Variants in SERPINB10 observed in about 807,000 individuals in gnomAD.
SERPINB10 encodes the protein serpin family B member 10.
SERPINB10 carries 35 observed loss-of-function variants against 39.1 expected under a neutral mutation model. That is an observed-to-expected ratio of 0.90 (90% CI 0.68 to 1.19). The LOEUF is 1.19. Among genes scored for constraint, SERPINB10 ranks in the 50% most tolerant of loss-of-function variants. The pLI is 0.00. For synonymous variants in SERPINB10, 190 were observed against 158.1 expected (o/e 1.20, Z -1.52); for missense variants, 546 against 460.5 (o/e 1.19, Z -1.70).
chr18:63,919,236 ATTT>A (rs397969917), intron 4 of SERPINB10, among the ~76,000 whole-genome samples: 2 of 142,848 alleles, frequency 1.4e-5, no homozygotes. Flanking sequence ...TGAAGGCCTC[ATTT>A]TTTTTTTTTT....
rs137981176 is a variant in SERPINB10, at chr18:63,930,092, A to C, written c.538A>C (p.Arg180=). Residue 180 remains arginine, a synonymous_variant, in exon 6 of 8, where the codon AGG becomes CGG. Coordinates refer to ENST00000238508, the MANE Select transcript of SERPINB10 (RefSeq NM_005024.3). ...TGATGACTCTGTGGATTCCACAACC[A>C]GGATGATTCTGGTGAACGCCCTATA... ...LPDDSVDSTT[R]MILVNALYFK... is the part of the protein sequence containing the mutation. 3.0e-4 allele frequency: 481 copies of C among 1,613,584 alleles called. 1 individual carries two copies. The highest frequency in any genetic ancestry group is 1.3e-3 in the Middle Eastern group (8 of 6,060).
intron 5 of SERPINB10, among the ~76,000 whole-genome samples, chr18:63,927,608 C>T (rs1347817704): frequency 6.8e-6 from 1 of 148,074 alleles, no homozygotes; most frequent in Non-Finnish European, 1.5e-5. Flanking sequence ...AGGGCAGAGC[C>T]CTCCTGATCT....
chr18:63,909,480 T>A (rs1035926637), intron 1 of SERPINB10, among the ~76,000 whole-genome samples: 2 of 152,078 alleles, frequency 1.3e-5, no homozygotes, highest in African/African-American at 2.4e-5. Context: ...TTCTCTTGTA[T>A]GTTCTGGGTA....
chr18:63,910,609 T>C (rs973560890), intron 1 of SERPINB10, among the ~76,000 whole-genome samples: 2 of 152,034 alleles, frequency 1.3e-5, no homozygotes, highest in Non-Finnish European at 2.9e-5. Context: ...TGCATCCATG[T>C]TGCAGCAAGA....
chr18:63,915,816 C>T (rs2050098257), intron 2 of SERPINB10, 138 bp downstream of exon 2: 2 of 713,990 alleles, frequency 2.8e-6, no homozygotes, highest in Middle Eastern at 2.9e-4. Context: ...TACATTAAAA[C>T]ATTCTATACC....
chr18:63,930,029 C>T lies in SERPINB10; in HGVS notation c.491-16C>T, dbSNP rs776323551. On this transcript the variant is annotated splice_polypyrimidine_tract_variant and intron_variant, in intron 5 of 7. Coordinates refer to ENST00000238508, the MANE Select transcript of SERPINB10 (RefSeq NM_005024.3). ...ATTTCTACAAGTCATTTGCAACCTG[C>T]CTTTTGTTCTTACAGGTAAAATCCA... The T allele has an allele frequency of 3.7e-6, 6 of 1,611,962 alleles. No homozygotes were observed. The highest frequency in any genetic ancestry group is 1.6e-4 in the Middle Eastern group (1 of 6,072).
At chr18:63,910,449 T>G (rs1311940156) in intron 1 of SERPINB10, among the ~76,000 whole-genome samples, 1 of 151,952 alleles carries the variant, frequency 6.6e-6, no homozygotes, top group Non-Finnish European at 1.5e-5. Flanking sequence ...CAATCTTTTC[T>G]CCATTCTCTG....
intron 5 of SERPINB10, among the ~76,000 whole-genome samples, chr18:63,923,541 G>T (rs2050160571): frequency 6.6e-6 from 1 of 151,884 alleles, no homozygotes; most frequent in Non-Finnish European, 1.5e-5. Context: ...TTCCCCAGAA[G>T]ATTTTAGAAT....
chr18:63,930,829 C>A (rs1276707023), intron 6 of SERPINB10, among the ~76,000 whole-genome samples: 3 of 152,160 alleles, frequency 2.0e-5, no homozygotes, highest in African/African-American at 4.8e-5. Context: ...AGGACCTTCG[C>A]CATTCTAGAG....
chr18:63,934,430 A>G (rs1382629951), intron 7 of SERPINB10, among the ~76,000 whole-genome samples: 1 of 151,980 alleles, frequency 6.6e-6, no homozygotes, highest in Non-Finnish European at 1.5e-5. Context: ...TTTTATTCCA[A>G]ATTTTGTTTT....
chr18:63,914,674 G>A (rs1439821124), intron 1 of SERPINB10, among the ~76,000 whole-genome samples: 2 of 151,972 alleles, frequency 1.3e-5, no homozygotes, highest in South Asian at 2.1e-4. Context: ...CATCAATAAT[G>A]TCTGCAGTTG....
intron 6 of SERPINB10, 148 bp from the exon 7 acceptor site, chr18:63,932,900 G>T (rs1347256700): frequency 2.9e-6 from 2 of 682,500 alleles, no homozygotes; most frequent in Non-Finnish European, 4.9e-6. Context: ...TTTCCATAAA[G>T]GAAGGTCTGG....
At chr18:63,925,620 C>T (rs1666631959) in intron 5 of SERPINB10, among the ~76,000 whole-genome samples, 1 of 151,904 alleles carries the variant, frequency 6.6e-6, no homozygotes, top group African/African-American at 2.4e-5. Flanking sequence ...AGCAAATACC[C>T]ATGAGTCTAT....
intron 7 of SERPINB10, among the ~76,000 whole-genome samples, chr18:63,934,337 G>T (rs1039665373): frequency 6.6e-6 from 1 of 150,546 alleles, no homozygotes. Flanking sequence ...AGATTTGGAG[G>T]ATTTTCTTAT....
chr18:63,925,100 A>G (rs1568247816), intron 5 of SERPINB10, among the ~76,000 whole-genome samples: 1 of 152,040 alleles, frequency 6.6e-6, no homozygotes, highest in Non-Finnish European at 1.5e-5. Context: ...ATATATTGGA[A>G]ATCATGAGAG....
intron 7 of SERPINB10, 25 bp downstream of exon 7, chr18:63,933,228 G>A: frequency 1.9e-6 from 3 of 1,613,116 alleles, no homozygotes; most frequent in South Asian, 1.1e-5. Flanking sequence ...TGTGTCTGAT[G>A]TGAGGGTGTT....
chr18:63,913,975 AGTTAAG>A (rs2050083950), intron 1 of SERPINB10, among the ~76,000 whole-genome samples: 2 of 1,018 alleles, frequency 2.0e-3, no homozygotes, highest in African/African-American at 8.3e-3. Flanking sequence ...TAGTTAAGTC[AGTTAAG>A]TCTTCTTGTT....
At chr18:63,923,289 A>G (rs1568247260) in intron 5 of SERPINB10, among the ~76,000 whole-genome samples, 1 of 151,994 alleles carries the variant, frequency 6.6e-6, no homozygotes. Context: ...GGAAGCATTC[A>G]ACATGAAATA....
chr18:63,916,303 C>CAT (rs1212147710), intron 2 of SERPINB10, among the ~76,000 whole-genome samples: 3 of 147,040 alleles, frequency 2.0e-5, no homozygotes, highest in African/African-American at 5.0e-5. Flanking sequence ...TATATGAATA[C>CAT]ATATATATAT....
Sources: allele counts gnomAD v4.1 joint callset (sites outside exome capture counted in the v4.1 genomes callset), GRCh38; gene constraint gnomAD v4.1.1; transcripts MANE v1.5; gene names NCBI Gene and HGNC (gene_info 2026-07-23, HGNC 2026-07-21).